AGMO: variants seen among roughly 807,000 people sequenced by gnomAD.
AGMO encodes glyceryl-ether monooxygenase.
Under a neutral mutation model 60.2 loss-of-function variants are expected in AGMO, and 75 were observed. The ratio of observed to expected loss-of-function variants is 1.25; its 90% confidence interval spans 1.03 to 1.51. AGMO has a LOEUF of 1.51. Ranked by LOEUF, AGMO falls within the 40% of genes most tolerant of loss-of-function variation. AGMO has a pLI of 0.00. For missense variants in AGMO, 763 were observed against 525.5 expected, an observed-to-expected ratio of 1.45 and a Z score of -4.42; for synonymous variants, 261 against 177.1, an observed-to-expected ratio of 1.47 and a Z score of -3.76.
intron 3 of AGMO, among the ~76,000 whole-genome samples, chr7:15,446,346 T>A (rs1465084907): frequency 6.6e-6 from 1 of 152,190 alleles, no homozygotes; most frequent in African/African-American, 2.4e-5. Context: ...ACATTGCCCA[T>A]CATAAATAGA....
chr7:15,119,129 T>C, the AGMO span, among the ~76,000 whole-genome samples: 2 of 151,748 alleles, frequency 1.3e-5, no homozygotes, highest in Admixed American at 6.6e-5. Context: ...GCATCTGATA[T>C]GGTTTAGATC....
At chr7:15,410,058 C>T (rs73286439) in intron 5 of AGMO, among the ~76,000 whole-genome samples, 6,103 of 151,622 alleles carry the variant, frequency 0.04, 392 homozygotes, top group African/African-American at 0.14. Flanking sequence ...ATATATCAGT[C>T]CAATTCTCAG....
At chr7:15,322,974 TA>T (rs1563087132) in intron 12 of AGMO, among the ~76,000 whole-genome samples, 1 of 53,174 alleles carries the variant, frequency 1.9e-5, no homozygotes, top group East Asian at 5.1e-4. Flanking sequence ...TGTGTATATA[TA>T]TATGTATTTA....
the AGMO span, among the ~76,000 whole-genome samples, chr7:15,186,489 G>C: frequency 6.6e-6 from 1 of 152,028 alleles, no homozygotes; most frequent in Admixed American, 6.6e-5. Context: ...CTTTCACATG[G>C]CCACATGAAC....
intron 3 of AGMO, among the ~76,000 whole-genome samples, chr7:15,516,936 G>T (rs1468518196): frequency 6.6e-6 from 1 of 151,846 alleles, no homozygotes; most frequent in East Asian, 1.9e-4. Flanking sequence ...GTCTCCACAT[G>T]AAAGAACAGA....
intron 12 of AGMO, among the ~76,000 whole-genome samples, chr7:15,213,188 C>T (rs944422510): frequency 6.6e-6 from 1 of 151,552 alleles, no homozygotes; most frequent in African/African-American, 2.4e-5. Flanking sequence ...ATCCTCTCAC[C>T]CATCACTTTT....
chr7:15,235,656 A>G (rs1303924093), intron 12 of AGMO, among the ~76,000 whole-genome samples: 1 of 152,250 alleles, frequency 6.6e-6, no homozygotes, highest in East Asian at 1.9e-4. Context: ...GATCCTAAAG[A>G]AAGAAAATAG....
intron 3 of AGMO, among the ~76,000 whole-genome samples, chr7:15,490,318 G>A (rs1333047331): frequency 3.9e-5 from 6 of 152,120 alleles, no homozygotes; most frequent in Non-Finnish European, 7.4e-5. Context: ...TTTACAAAAT[G>A]TTTTGGGATT....
chr7:15,347,930 T>G (rs1782092933), intron 12 of AGMO, among the ~76,000 whole-genome samples: 1 of 152,058 alleles, frequency 6.6e-6, no homozygotes, highest in Non-Finnish European at 1.5e-5. Flanking sequence ...AGCCCTATCT[T>G]TATGTCAAAA....
chr7:15,377,088 T>C (rs115166158), intron 10 of AGMO, among the ~76,000 whole-genome samples: 81 of 152,238 alleles, frequency 5.3e-4, no homozygotes, highest in African/African-American at 1.6e-3. Flanking sequence ...TGTGTGATTA[T>C]TGGCTACAGT....
chr7:15,554,350 T>A (rs1302267603), intron 2 of AGMO, among the ~76,000 whole-genome samples: 1 of 152,080 alleles, frequency 6.6e-6, no homozygotes, highest in African/African-American at 2.4e-5. Flanking sequence ...GATGGAATAC[T>A]GGGTAGCACA....
At chr7:15,400,978 C>A (rs1784538237) in intron 5 of AGMO, among the ~76,000 whole-genome samples, 1 of 151,968 alleles carries the variant, frequency 6.6e-6, no homozygotes, top group Non-Finnish European at 1.5e-5. Flanking sequence ...ATGTAGAGAC[C>A]TAAAAGGTTA....
intron 12 of AGMO, among the ~76,000 whole-genome samples, chr7:15,317,928 TATATATATATATAC>T: frequency 1.1e-5 from 1 of 88,264 alleles, no homozygotes. Context: ...TACACACACG[TATATATATATATAC>T]ACACACACAC....
chr7:15,188,357 A>T, the AGMO span, among the ~76,000 whole-genome samples: 1 of 152,234 alleles, frequency 6.6e-6, no homozygotes, highest in African/African-American at 2.4e-5. Flanking sequence ...GAGTTAGTGA[A>T]TGTAAGATAC....
At chr7:15,283,440 T>C (rs368488328) in intron 12 of AGMO, among the ~76,000 whole-genome samples, 3 of 152,080 alleles carry the variant, frequency 2.0e-5, no homozygotes, top group South Asian at 4.1e-4. Flanking sequence ...GCTGTTCTTA[T>C]ATCTGATCAA....
chr7:15,357,995 G>GTT (rs1782606120), intron 12 of AGMO, among the ~76,000 whole-genome samples: 1 of 152,100 alleles, frequency 6.6e-6, no homozygotes, highest in Non-Finnish European at 1.5e-5. Flanking sequence ...ACAGGAAAAG[G>GTT]AAGAACCCAT....
intron 12 of AGMO, among the ~76,000 whole-genome samples, chr7:15,310,591 T>C (rs557608679): frequency 6.6e-6 from 1 of 152,198 alleles, no homozygotes; most frequent in African/African-American, 2.4e-5. Flanking sequence ...TTGGAAATTA[T>C]ATTTTTGTTA....
rs116165979 is a variant in AGMO, at chr7:15,438,699, C to T, written c.410-7591G>A. Among the ~76,000 whole-genome samples, 1,414 of 152,160 alleles carry T rather than the reference C, an allele frequency of 9.3e-3. 24 individuals carry two copies. The highest frequency in any genetic ancestry group is 0.033 in the African/African-American group (1,364 of 41,508). ...CAGAGGACACTAAGGCCCTAGGGTA[C>T]GCAAAGACACCAGATGGAAGGATTC... On this transcript the variant is annotated intron_variant, in intron 3 of 12. Transcript: ENST00000342526.
rs932973316 is a variant in AGMO, at chr7:15,556,662, C to G, written c.257+3479G>C. ...AGGAAAAAAATGTGATTATTTTTCA[C>G]TCATTAACATTTAAGTCAGTAGCAG... On this transcript the variant is annotated intron_variant, in intron 2 of 12. Coordinates refer to ENST00000342526, the MANE Select transcript of AGMO (RefSeq NM_001004320.2). 6.6e-5 allele frequency among the ~76,000 whole-genome samples: 10 copies of G among 151,986 alleles called. No individual in the cohort carries two copies. In the East Asian group the frequency reaches 7.7e-4, roughly 12 times the overall value.
Sources: allele counts gnomAD v4.1 joint callset (sites outside exome capture counted in the v4.1 genomes callset), GRCh38; gene constraint gnomAD v4.1.1; transcripts MANE v1.5; gene names NCBI Gene and HGNC (gene_info 2026-07-23, HGNC 2026-07-21).